CCDC180: variants seen among roughly 807,000 people sequenced by gnomAD.
CCDC180 encodes the protein coiled-coil domain containing 180.
A neutral mutation model predicts 209.2 loss-of-function variants in CCDC180; 154 were observed. The ratio of observed to expected loss-of-function variants is 0.74; its 90% confidence interval spans 0.65 to 0.84. CCDC180 has a LOEUF of 0.84. CCDC180 is among the 40% of genes least tolerant of loss of function. CCDC180 has a pLI of 0.00. For missense variants in CCDC180, 1,874 were observed against 1,997.3 expected, an observed-to-expected ratio of 0.94 and a Z score of 1.18; for synonymous variants, 778 against 749.1, an observed-to-expected ratio of 1.04 and a Z score of -0.63.
chr9:97,360,716 G>T (rs1826726507), intron 26 of CCDC180, among the ~76,000 whole-genome samples: 1 of 152,012 alleles, frequency 6.6e-6, no homozygotes. Context: ...CTCCTGGTCT[G>T]GGTCGGGGTC....
intron 26 of CCDC180, 25 bp from the exon 27 acceptor site, chr9:97,361,701 T>A: frequency 6.2e-7 from 1 of 1,611,938 alleles, no homozygotes; most frequent in Non-Finnish European, 8.5e-7. Context: ...CCTTACACCC[T>A]CAGGCCCTTC....
intron 2 of CCDC180, among the ~76,000 whole-genome samples, chr9:97,308,361 C>G (rs1832865964): frequency 6.6e-6 from 1 of 152,208 alleles, no homozygotes; most frequent in Admixed American, 6.5e-5. Context: ...ATGTAAATTA[C>G]TCAGAAATAG....
chr9:97,362,156 GTCACCGGAGAAGAGC>G (rs1199596683), intron 27 of CCDC180, 25 bp from the exon 28 acceptor site: 1 of 1,585,620 alleles, frequency 6.3e-7, no homozygotes, highest in East Asian at 2.2e-5. Flanking sequence ...TACCCCCATG[GTCACCGGAGAAGAGC>G]TCACACCCTT....
intron 18 of CCDC180, among the ~76,000 whole-genome samples, chr9:97,341,591 C>T (rs1044636243): frequency 6.6e-6 from 1 of 152,134 alleles, no homozygotes; most frequent in African/African-American, 2.4e-5. Context: ...AGGTGTCAGT[C>T]GGCCCCTACT....
At position 97,361,814 on chromosome 9, in the gene CCDC180, C is replaced by A. The variant is rs772329471; in HGVS notation, c.3572C>A (p.Thr1191Asn). ...LEEEAKLDVV[T>N]PESFTQLSRV... ...GAGGAGGCCAAGCTGGACGTGGTCA[C>A]CCCTGAGTCCTTCACCCAGCTGAGC... Residue 1191 changes from threonine (T) to asparagine (N), a missense_variant, in exon 27 of 37, where the codon ACC becomes AAC. Physicochemically the swap from Thr to Asn is moderately conservative, Grantham distance 65. Coordinates refer to ENST00000529487, the MANE Select transcript of CCDC180 (RefSeq NM_020893.6). The A allele has an allele frequency of 6.2e-7, 1 of 1,614,196 alleles. No individual in the cohort carries two copies.
intron 15 of CCDC180, among the ~76,000 whole-genome samples, chr9:97,327,436 G>A (rs1168239563): frequency 6.6e-6 from 1 of 152,058 alleles, no homozygotes. Flanking sequence ...ACTTCATAAT[G>A]GTTTAGCAAT....
chr9:97,355,245 C>T (rs889422224), intron 24 of CCDC180, among the ~76,000 whole-genome samples: 6 of 152,062 alleles, frequency 3.9e-5, no homozygotes, highest in African/African-American at 1.4e-4. Context: ...GCCTCAACTT[C>T]CTGGGCTCAA....
chr9:97,356,941 A>G (rs1179994399), intron 24 of CCDC180, among the ~76,000 whole-genome samples: 1 of 152,240 alleles, frequency 6.6e-6, no homozygotes, highest in Non-Finnish European at 1.5e-5. Context: ...GCTGTTTGCT[A>G]TTTATACCAG....
chr9:97,372,493 G>T (rs1827129862), intron 34 of CCDC180: 1 of 152,162 alleles, frequency 6.6e-6, no homozygotes, highest in African/African-American at 2.4e-5. Flanking sequence ...TTTTTCAAAG[G>T]TATATGTTCA....
rs949076034 is a variant in CCDC180, at chr9:97,347,274, G to A, written c.2499-40G>A. ...TATGGAAAGACCTCTCATGGGTCAT[G>A]ATTGCTGGCAGGGCTGACCCTGGCT... On this transcript the variant is annotated intron_variant, in intron 19 of 36. Transcript: ENST00000529487. 4.6e-6 allele frequency: 7 copies of A among 1,529,618 alleles called. No individual in the cohort carries two copies. In the African/African-American group the frequency reaches 9.6e-5, roughly 21 times the overall value. 94.8% of individuals were successfully genotyped at this position (1,529,618 alleles called of 1,614,324 possible).
At chr9:97,328,583 G>A (rs1387353295) in intron 16 of CCDC180, among the ~76,000 whole-genome samples, 1 of 151,924 alleles carries the variant, frequency 6.6e-6, no homozygotes, top group East Asian at 1.9e-4. Flanking sequence ...CCCTCATCCA[G>A]CAGACTCATC....
At chr9:97,368,645 A>G (rs577266514) in intron 31 of CCDC180, among the ~76,000 whole-genome samples, 5 of 152,326 alleles carry the variant, frequency 3.3e-5, no homozygotes, top group African/African-American at 7.2e-5. Context: ...CATGAATTCA[A>G]TTTTGCTTTT....
At chr9:97,354,734 C>G in intron 23 of CCDC180, 21 bp downstream of exon 23, 1 of 1,614,144 alleles carries the variant, frequency 6.2e-7, no homozygotes, top group Non-Finnish European at 8.5e-7. Flanking sequence ...CAGCCAGGCC[C>G]CAGGCCAACC....
chr9:97,349,923 C>G (rs1018217541), intron 21 of CCDC180, among the ~76,000 whole-genome samples: 9 of 152,132 alleles, frequency 5.9e-5, no homozygotes, highest in African/African-American at 1.9e-4. Flanking sequence ...TGCTGGGGGT[C>G]AGACACAGCC....
chr9:97,339,574 T>C (rs1248922032), intron 18 of CCDC180, among the ~76,000 whole-genome samples: 1 of 152,224 alleles, frequency 6.6e-6, no homozygotes, highest in Non-Finnish European at 1.5e-5. Context: ...GACCTTTCTC[T>C]CTGGCTGCTC....
At chr9:97,346,252 A>G (rs1051888390) in intron 19 of CCDC180, among the ~76,000 whole-genome samples, 4 of 152,088 alleles carry the variant, frequency 2.6e-5, no homozygotes, top group African/African-American at 9.7e-5. Context: ...TAAGTCCTCC[A>G]CCTTTAGTCT....
chr9:97,374,291 T>C (rs1827180081), intron 34 of CCDC180: 1 of 462,310 alleles, frequency 2.2e-6, no homozygotes, highest in African/African-American at 2.0e-5. Flanking sequence ...AGCATCAGGC[T>C]TGGGTTTGGA....
At chr9:97,316,944 C>A in intron 8 of CCDC180, 121 bp from the exon 9 acceptor site, 1 of 906,422 alleles carries the variant, frequency 1.1e-6, no homozygotes, top group Non-Finnish European at 1.7e-6. Context: ...GCAACCACCC[C>A]ACTTGGCCCT....
Position 97,364,127 on chromosome 9 carries a change from G to A in CCDC180, c.3979G>A (p.Glu1327Lys), listed in dbSNP as rs375403331. The change falls in exon 29 of 37, where the codon GAG (glutamate) becomes AAG (lysine). Residue 1327 changes from glutamate to lysine, a missense_variant and splice_region_variant. Glu to Lys is a moderately conservative substitution (Grantham distance 56). Coordinates refer to ENST00000529487, the MANE Select transcript of CCDC180 (RefSeq NM_020893.6). Reference sequence around the variant, plus strand: ...TGGGGACAAGCCTCCCCCTGCTGCCGAGTGAGTAACAACGCCTTTCCTTTT... The same window carrying A: ...TGGGGACAAGCCTCCCCCTGCTGCCAAGTGAGTAACAACGCCTTTCCTTTT... ...VLGDKPPPAA[E>K]DFKGIILTLL... 48 of 1,613,774 alleles carry A rather than the reference G, an allele frequency of 3.0e-5. No individual in the cohort carries two copies. The highest frequency in any genetic ancestry group is 3.3e-4 in the Middle Eastern group (2 of 6,082).
Sources: allele counts gnomAD v4.1 joint callset (sites outside exome capture counted in the v4.1 genomes callset), GRCh38; gene constraint gnomAD v4.1.1; transcripts MANE v1.5; gene names NCBI Gene and HGNC (gene_info 2026-07-23, HGNC 2026-07-21).